The following MAP4K4 variants were observed in gnomAD, a reference collection of about 807,000 sequenced individuals.
The protein encoded by MAP4K4 is mitogen-activated protein kinase kinase kinase kinase 4, also known as HPK/GCK-like kinase HGK.
Under a neutral mutation model 189.6 loss-of-function variants are expected in MAP4K4, and 38 were observed. The ratio of observed to expected loss-of-function variants is 0.20; its 90% CI spans 0.15 to 0.26. MAP4K4 has a LOEUF of 0.26. MAP4K4 is among the 10% of genes least tolerant of loss of function. MAP4K4 has a pLI of 1.00. For synonymous variants in MAP4K4, 610 were observed against 624.3 expected (o/e 0.98, Z 0.34); for missense variants, 1,054 against 1,726.9 (o/e 0.61, Z 6.91).
intron 2 of MAP4K4, among the ~76,000 whole-genome samples, chr2:101,754,738 G>A (rs1007867213): frequency 1.3e-5 from 2 of 152,200 alleles, no homozygotes; most frequent in Non-Finnish European, 2.9e-5. Flanking sequence ...GAGAATGTAA[G>A]GTGGCTTACT....
intron 2 of MAP4K4, among the ~76,000 whole-genome samples, chr2:101,746,834 A>T: frequency 6.6e-6 from 1 of 151,954 alleles, no homozygotes; most frequent in East Asian, 1.9e-4. Context: ...CCCTTCCCTC[A>T]ACAAGTTCTT....
chr2:101,806,580 A>G (rs1477852159), intron 3 of MAP4K4, among the ~76,000 whole-genome samples: 1 of 151,986 alleles, frequency 6.6e-6, no homozygotes, highest in South Asian at 2.1e-4. Context: ...GGGTTTTATC[A>G]TATTGGCCAG....
intron 2 of MAP4K4, among the ~76,000 whole-genome samples, chr2:101,726,685 G>A (rs1457674477): frequency 6.6e-6 from 1 of 152,170 alleles, no homozygotes; most frequent in South Asian, 2.1e-4. Flanking sequence ...ATGGACAGGA[G>A]TATAGAATAT....
intron 2 of MAP4K4, among the ~76,000 whole-genome samples, chr2:101,781,308 T>C (rs1337149719): frequency 1.3e-5 from 2 of 152,178 alleles, no homozygotes; most frequent in Non-Finnish European, 2.9e-5. Context: ...CTAAAACTCT[T>C]CTGCCCGTTT....
intron 2 of MAP4K4, among the ~76,000 whole-genome samples, chr2:101,750,825 A>T (rs536436649): frequency 5.0e-4 from 61 of 122,760 alleles, no homozygotes; most frequent in African/African-American, 1.9e-3. Flanking sequence ...GACCCTGTCT[A>T]AAAAAAAAAA....
intron 7 of MAP4K4, 142 bp from the exon 8 acceptor site, chr2:101,834,267 T>A (rs1044496036): frequency 2.2e-6 from 1 of 455,656 alleles, no homozygotes; most frequent in Non-Finnish European, 4.4e-6. Flanking sequence ...GCTCCGTAAG[T>A]TCTACAAATG....
At chr2:101,746,818 C>T (rs948428573) in intron 2 of MAP4K4, among the ~76,000 whole-genome samples, 2 of 151,860 alleles carry the variant, frequency 1.3e-5, no homozygotes, top group African/African-American at 2.4e-5. Flanking sequence ...GTTTTGTCTT[C>T]GCCGCCCCTT....
At chr2:101,867,063 G>C (rs1285090667) in intron 19 of MAP4K4, 149 bp from the exon 20 acceptor site, 3 of 597,776 alleles carry the variant, frequency 5.0e-6, no homozygotes, top group Non-Finnish European at 9.0e-6. Flanking sequence ...CCCTCCTTGG[G>C]CCCCCTCTGC....
In MAP4K4 at chr2:101,829,834, A is replaced by G. The variant is rs997467613; in HGVS notation, c.508+240A>G. 8.9e-5 allele frequency: 35 copies of G among 391,378 alleles called. No homozygotes were observed. In the Admixed American group the frequency reaches 1.4e-3, roughly 15 times the overall value. The allele number at this position is 391,378 out of a possible 1,614,324, so 24.2% of individuals were successfully genotyped here. ...GCAGCCAGACTGATCTTCAAATCAG[A>G]CCATGCCACTTTCCTGCTTAAAGAA... On this transcript the variant is annotated intron_variant, in intron 6 of 32. Transcript: ENST00000324219.
At chr2:101,698,341 C>T (rs963689587) in intron 1 of MAP4K4, 132 bp from the exon 2 acceptor site, 23 of 900,318 alleles carry the variant, frequency 2.6e-5, no homozygotes, top group Non-Finnish European at 3.6e-5. Context: ...GCGCGACCCC[C>T]GGGCGCTGGG....
At chr2:101,845,170 C>CCAAAAAAAA (rs2097058574) in intron 12 of MAP4K4, among the ~76,000 whole-genome samples, 1 of 142,778 alleles carries the variant, frequency 7.0e-6, no homozygotes, top group South Asian at 2.2e-4. Flanking sequence ...CTGGTTTAAG[C>CCAAAAAAAA]CAAAAAAAAA....
At chr2:101,856,520 G>A (rs2097469807) in intron 13 of MAP4K4, among the ~76,000 whole-genome samples, 1 of 151,986 alleles carries the variant, frequency 6.6e-6, no homozygotes, top group African/African-American at 2.4e-5. Context: ...CCAACAGTAA[G>A]AAATTTCTTA....
intron 2 of MAP4K4, among the ~76,000 whole-genome samples, chr2:101,704,663 C>A (rs112661645): frequency 0.019 from 2,653 of 141,918 alleles, 88 homozygotes; most frequent in African/African-American, 0.066. Context: ...AGCTCTGCCT[C>A]CCAGGTTCAA....
chr2:101,878,041 G>A (rs546925905), intron 27 of MAP4K4, among the ~76,000 whole-genome samples: 14 of 152,246 alleles, frequency 9.2e-5, no homozygotes, highest in Admixed American at 2.0e-4. Context: ...GAGCCACTGC[G>A]CCCGGCCAAT....
intron 29 of MAP4K4, among the ~76,000 whole-genome samples, chr2:101,885,520 G>A (rs1241226479): frequency 6.6e-6 from 1 of 152,154 alleles, no homozygotes; most frequent in Non-Finnish European, 1.5e-5. Context: ...CACTTTAATC[G>A]ATGTGGCAAT....
At chr2:101,711,457 G>T (rs1379977396) in intron 2 of MAP4K4, among the ~76,000 whole-genome samples, 1 of 152,090 alleles carries the variant, frequency 6.6e-6, no homozygotes, top group Non-Finnish European at 1.5e-5. Context: ...TTTTCACCGT[G>T]TTGATGAGGC....
intron 3 of MAP4K4, among the ~76,000 whole-genome samples, chr2:101,805,472 G>A (rs531148939): frequency 1.3e-5 from 2 of 152,136 alleles, no homozygotes; most frequent in Non-Finnish European, 2.9e-5. Flanking sequence ...AGTATTCTGT[G>A]GTGTCCCACT....
At chr2:101,720,223 G>T (rs2050999986) in intron 2 of MAP4K4, among the ~76,000 whole-genome samples, 2 of 148,572 alleles carry the variant, frequency 1.3e-5, no homozygotes, top group Admixed American at 1.3e-4. Context: ...GCCCAGGCTA[G>T]AGTGCAGTGG....
In MAP4K4 at chr2:101,781,208, C is replaced by T. The variant is rs543538269; in HGVS notation, c.124-9512C>T. On this transcript the variant is annotated intron_variant, in intron 2 of 32. Coordinates refer to ENST00000324219, the Ensembl canonical transcript of MAP4K4. The stretch of plus-strand genomic sequence containing the variant: ...CAGTCTCCCTCTTCAAACTTAGTTC[C>T]TCACACTTGATGTTGTAGTAGCGAC... 3.3e-5 allele frequency among the ~76,000 whole-genome samples: 5 copies of T among 152,252 alleles called. No individual in the cohort carries two copies. In the South Asian group the frequency reaches 1.0e-3, roughly 32 times the overall value.
Sources: allele counts gnomAD v4.1 joint callset (sites outside exome capture counted in the v4.1 genomes callset), GRCh38; gene constraint gnomAD v4.1.1; transcripts MANE v1.5; gene names NCBI Gene and HGNC (gene_info 2026-07-23, HGNC 2026-07-21).